CYP3A43: variants seen among roughly 807,000 people sequenced by gnomAD.
The protein encoded by CYP3A43 is cytochrome P450 3A43.
In CYP3A43, 45 loss-of-function variants were observed where a neutral mutation model predicts 58.0. The observed-to-expected ratio is 0.78, with a 90% CI of 0.61 to 0.99. The LOEUF (loss-of-function observed/expected upper bound fraction) is 0.99, where lower values mean the gene tolerates loss of function less well. CYP3A43 is among the 50% of genes least tolerant of loss of function. The probability of loss-of-function intolerance (pLI) is 0.00; values close to 1 mark genes in which losing one functional copy is unlikely to be tolerated. For synonymous variants in CYP3A43, 191 were observed against 201.4 expected, an observed-to-expected ratio of 0.95 and a Z score of 0.44; for missense variants, 593 against 591.9, an observed-to-expected ratio of 1.00 and a Z score of -0.02.
chr7:99,835,343 A>G (rs1817027127), intron 1 of CYP3A43, among the ~76,000 whole-genome samples: 1 of 152,214 alleles, frequency 6.6e-6, no homozygotes, highest in African/African-American at 2.4e-5. Context: ...CCGATTTGTC[A>G]TTCTCTGTAC....
At chr7:99,833,286 G>A (rs187122615) in intron 1 of CYP3A43, among the ~76,000 whole-genome samples, 105 of 152,258 alleles carry the variant, frequency 6.9e-4, no homozygotes, top group African/African-American at 2.5e-3. Context: ...ACTGAGCTCT[G>A]AACAAAGAGT....
At chr7:99,854,605 C>G (rs904079810) in intron 7 of CYP3A43, among the ~76,000 whole-genome samples, 1 of 152,130 alleles carries the variant, frequency 6.6e-6, no homozygotes, top group African/African-American at 2.4e-5. Flanking sequence ...CCCCTTTCTG[C>G]TGGCTTTAGT....
intron 9 of CYP3A43, among the ~76,000 whole-genome samples, chr7:99,859,312 A>G (rs1050638286): frequency 3.9e-5 from 6 of 152,170 alleles, no homozygotes; most frequent in African/African-American, 1.4e-4. Flanking sequence ...CAAGAGCCCA[A>G]TATTCTTCCC....
chr7:99,846,982 C>T (rs976816756), intron 4 of CYP3A43, among the ~76,000 whole-genome samples: 1 of 152,088 alleles, frequency 6.6e-6, no homozygotes, highest in African/African-American at 2.4e-5. Flanking sequence ...CTTCAAAGTG[C>T]ATTCTTAGTC....
chr7:99,861,962 CAA>C lies in CYP3A43; in HGVS notation c.1253+126_1253+127del, dbSNP rs1427979891. On this transcript the variant is annotated intron_variant, in intron 11 of 12. Transcript: ENST00000354829. ...TTTTCATTTTGGAAGTTTTTTATTACAAAATGATAACTGTTAAACTTTACAAA... is the reference window on the plus strand; with the variant it reads ...TTTTCATTTTGGAAGTTTTTTATTACAATGATAACTGTTAAACTTTACAAA... 3.7e-6 allele frequency: 3 copies of C among 810,370 alleles called. No homozygotes were observed. In the African/African-American group the frequency reaches 5.2e-5, roughly 14 times the overall value. 50.2% of individuals were successfully genotyped at this position (810,370 alleles called of 1,614,324 possible). A position where few individuals can be genotyped will look rare whatever the true frequency, so the allele number is the denominator to read the frequency against.
chr7:99,865,074 A>C (rs765460840), intron 12 of CYP3A43, among the ~76,000 whole-genome samples: 4 of 148,488 alleles, frequency 2.7e-5, no homozygotes, highest in Non-Finnish European at 4.4e-5. Flanking sequence ...GAAGCTGTAC[A>C]TCCATCCTCT....
chr7:99,848,223 G>A lies in CYP3A43; in HGVS notation c.490G>A (p.Ala164Thr), dbSNP rs1288449743. ...GTTGGTGAGAAGCCTGAGGCAGGAA[G>A]CAGAGAACAGCAAGTCCATCAACTT... ...DMLVRSLRQE[A>T]ENSKSINLKD... is the part of the protein sequence containing the mutation. Residue 164 changes from alanine to threonine, a missense_variant, in exon 6 of 13, where the codon GCA becomes ACA. Ala to Thr is a moderately conservative substitution (Grantham distance 58). Transcript: ENST00000354829. 7 of 1,614,168 alleles carry A rather than the reference G, an allele frequency of 4.3e-6. No homozygotes were observed. Among genetic ancestry groups the A allele is most frequent in the Non-Finnish European group, 5.1e-6 (6 of 1,180,012 alleles).
rs751527297 is a variant in CYP3A43, at chr7:99,836,476, T to G, written c.95T>G (p.Leu32Arg). Residue 32 changes from leucine to arginine, a missense_variant, in exon 2 of 13, where the codon CTT (leucine) becomes CGT (arginine). Leu to Arg is a moderately radical substitution (Grantham distance 102). Coordinates refer to ENST00000354829, the MANE Select transcript of CYP3A43 (RefSeq NM_057095.3). ...LYIYGTHSHK[L>R]FKKLGIPGPT... ...AGTTATGGGACCCATTCACATAAACTTTTTAAGAAGCTGGGAATTCCTGGG... is the reference window on the plus strand; with the variant it reads ...AGTTATGGGACCCATTCACATAAACGTTTTAAGAAGCTGGGAATTCCTGGG... 6.2e-7 allele frequency: 1 copy of G among 1,611,026 alleles called. No individual in the cohort carries two copies. Among genetic ancestry groups the G allele is most frequent in the Admixed American group, 1.7e-5 (1 of 59,304 alleles).
At chr7:99,842,724 A>G (rs528344068) in intron 3 of CYP3A43, among the ~76,000 whole-genome samples, 1 of 152,224 alleles carries the variant, frequency 6.6e-6, no homozygotes, top group Non-Finnish European at 1.5e-5. Context: ...AGTTCAAATC[A>G]TATAGCTGTA....
At chr7:99,833,062 TTTA>T (rs528409793) in intron 1 of CYP3A43, among the ~76,000 whole-genome samples, 76 of 152,288 alleles carry the variant, frequency 5.0e-4, no homozygotes, top group Admixed American at 2.0e-3. Flanking sequence ...TTTGGGAACA[TTTA>T]TTAAGCATTC....
At chr7:99,857,033 T>C (rs1818009195) in intron 9 of CYP3A43, 134 bp downstream of exon 9, 2 of 1,104,378 alleles carry the variant, frequency 1.8e-6, no homozygotes, top group Admixed American at 5.0e-5. Context: ...ATTTGGATGT[T>C]ATAAATGATA....
chr7:99,857,216 G>T (rs370066250), intron 9 of CYP3A43, among the ~76,000 whole-genome samples: 1 of 152,120 alleles, frequency 6.6e-6, no homozygotes, highest in African/African-American at 2.4e-5. Flanking sequence ...ACTTGGAAAC[G>T]TACATCTAAC....
chr7:99,836,459 G>T lies in CYP3A43; in HGVS notation c.78G>T (p.Gly26=). Residue 26 remains glycine (G), a synonymous_variant, in exon 2 of 13, where the codon GGG becomes GGT. Coordinates refer to ENST00000354829, the MANE Select transcript of CYP3A43 (RefSeq NM_057095.3). ...TTTCTCTTTTATTTTATAGTTATGG[G>T]ACCCATTCACATAAACTTTTTAAGA... The part of the protein sequence containing the change: ...ATSLVLLYIY[G]THSHKLFKKL... 6.2e-7 allele frequency: 1 copy of T among 1,611,610 alleles called. No individual in the cohort carries two copies. Among genetic ancestry groups the T allele is most frequent in the Non-Finnish European group, 8.5e-7 (1 of 1,179,144 alleles).
chr7:99,856,877 C>T lies in CYP3A43; in HGVS notation c.843C>T (p.Ser281=). Reference sequence around the variant, plus strand: ...AACAGATGATCGACTCCCAGAATTCCAAAGAAACAAAGTCCCATAAAGGTA... The same window carrying T: ...AACAGATGATCGACTCCCAGAATTCTAAAGAAACAAAGTCCCATAAAGGTA... ...FFQQMIDSQN[S]KETKSHKALS... is the part of the protein sequence containing the mutation. The change falls in exon 9 of 13, where the codon TCC becomes TCT. Residue 281 remains serine, a synonymous_variant. Coordinates refer to ENST00000354829, the MANE Select transcript of CYP3A43 (RefSeq NM_057095.3). 1 of 1,613,804 alleles carries T rather than the reference C, an allele frequency of 6.2e-7. No individual in the cohort carries two copies. The highest frequency in any genetic ancestry group is 8.5e-7 in the Non-Finnish European group (1 of 1,179,914).
In CYP3A43 at chr7:99,858,224, C is replaced by A. The variant is rs149035401; in HGVS notation, c.865+1325C>A. On this transcript the variant is annotated intron_variant, in intron 9 of 12. Coordinates refer to ENST00000354829, the MANE Select transcript of CYP3A43 (RefSeq NM_057095.3). Reference sequence around the variant, plus strand: ...TCAATTCCATGTCCTGGGGTTCATGCCAACTGAATAAAATAATTGGAAAGT... The same window carrying A: ...TCAATTCCATGTCCTGGGGTTCATGACAACTGAATAAAATAATTGGAAAGT... 4.1e-3 allele frequency among the ~76,000 whole-genome samples: 623 copies of A among 152,250 alleles called. 3 individuals carry two copies. Among genetic ancestry groups the A allele is most frequent in the African/African-American group, 0.014 (579 of 41,554 alleles).
chr7:99,843,528 C>T (rs1279674650), intron 3 of CYP3A43, among the ~76,000 whole-genome samples: 3 of 151,828 alleles, frequency 2.0e-5, no homozygotes, highest in Non-Finnish European at 4.4e-5. Context: ...TGCAGTGATG[C>T]GATCTTGGCT....
chr7:99,840,430 G>C (rs1385175625), intron 3 of CYP3A43, among the ~76,000 whole-genome samples: 1 of 152,172 alleles, frequency 6.6e-6, no homozygotes, highest in African/African-American at 2.4e-5. Context: ...CCTACCTTGA[G>C]ATGAATATGT....
chr7:99,833,546 A>G (rs1248698877), intron 1 of CYP3A43, among the ~76,000 whole-genome samples: 2 of 152,188 alleles, frequency 1.3e-5, no homozygotes, highest in East Asian at 1.9e-4. Context: ...CCTCAGAAAA[A>G]CAGGCAGTTA....
At chr7:99,849,461 C>T in intron 6 of CYP3A43, 85 bp from the exon 7 acceptor site, 1 of 1,468,542 alleles carries the variant, frequency 6.8e-7, no homozygotes, top group Non-Finnish European at 9.1e-7. Flanking sequence ...CTGTCTTGCT[C>T]TGGCATAGCA....
Sources: gnomAD v4.1 joint callset for allele counts (sites outside exome capture counted in the v4.1 genomes callset) on GRCh38, gnomAD v4.1.1 for gene constraint, MANE v1.5 for transcripts, NCBI Gene and HGNC (gene_info 2026-07-23, HGNC 2026-07-21) for gene names.